Variants in ZSWIM5 observed in about 807,000 individuals in gnomAD.
ZSWIM5 encodes zinc finger SWIM domain-containing protein 5.
In ZSWIM5, 55 loss-of-function variants were observed where a neutral mutation model predicts 119.6. That is an observed-to-expected ratio of 0.46 (90% CI 0.37 to 0.58). ZSWIM5 has a LOEUF of 0.58. Ranked by LOEUF, ZSWIM5 falls within the 20% of genes least tolerant of loss-of-function variation. The pLI is 0.00. For synonymous variants in ZSWIM5, 537 were observed against 606.9 expected (o/e 0.88, Z 1.69); for missense variants, 1,193 against 1,512.8 (o/e 0.79, Z 3.51).
At position 45,166,143 on chromosome 1, in the gene ZSWIM5, G is replaced by A. The variant is rs578170265; in HGVS notation, c.595+39613C>T. On this transcript the variant is annotated intron_variant, in intron 1 of 13. Coordinates refer to ENST00000359600, the MANE Select transcript of ZSWIM5 (RefSeq NM_020883.2). Reference sequence around the variant, plus strand: ...CATGATCAAGTGGGCTTCATCCCTGGGATGCAAAGCTGGTTCAACATATGC... The same window carrying A: ...CATGATCAAGTGGGCTTCATCCCTGAGATGCAAAGCTGGTTCAACATATGC... Among the ~76,000 whole-genome samples the A allele has an allele frequency of 6.6e-5, 10 of 152,178 alleles. No homozygotes were observed. In the East Asian group the frequency reaches 1.5e-3, roughly 23 times the overall value.
At chr1:45,189,099 G>C (rs746047903) in intron 1 of ZSWIM5, among the ~76,000 whole-genome samples, 7 of 152,122 alleles carry the variant, frequency 4.6e-5, no homozygotes, top group Non-Finnish European at 1.0e-4. Context: ...CAGATCACCT[G>C]AGGTCAGGAG....
chr1:45,174,792 C>A (rs1308799184), intron 1 of ZSWIM5, among the ~76,000 whole-genome samples: 1 of 151,896 alleles, frequency 6.6e-6, no homozygotes, highest in African/African-American at 2.4e-5. Context: ...GAAACAATCT[C>A]AAACTTACAG....
In ZSWIM5 at chr1:45,040,506, C is replaced by T. The variant is rs1489240914; in HGVS notation, c.1642G>A (p.Ala548Thr). The T allele has an allele frequency of 1.2e-5, 20 of 1,610,868 alleles. No individual in the cohort carries two copies. The highest frequency in any genetic ancestry group is 1.6e-4 in the Middle Eastern group (1 of 6,076). ...HVPTACARVD[A>T]LRSHGYPKEA... ...TTTGGATAACCATGGGAACGCAGGG[C>T]GTCAACTCGAGCACAGGCTGTAGGC... The change falls in exon 7 of 14, where the codon GCC (alanine) becomes ACC (threonine). Residue 548 changes from alanine (A) to threonine (T), a missense_variant. Physicochemically the swap from Ala to Thr is moderately conservative, Grantham distance 58. Around this residue, in one of 2 missense-constraint regions of ZSWIM5, gnomAD observed 961 missense variants for 1,290.0 expected, o/e 0.74. Coordinates refer to ENST00000359600, the MANE Select transcript of ZSWIM5 (RefSeq NM_020883.2).
At chr1:45,090,045 T>C (rs572058720) in intron 1 of ZSWIM5, among the ~76,000 whole-genome samples, 1 of 152,326 alleles carries the variant, frequency 6.6e-6, no homozygotes, top group South Asian at 2.1e-4. Flanking sequence ...AAGGTACATA[T>C]ATAAGTTTCA....
chr1:45,061,273 T>C (rs1645150374), intron 2 of ZSWIM5, among the ~76,000 whole-genome samples: 1 of 152,164 alleles, frequency 6.6e-6, no homozygotes, highest in African/African-American at 2.4e-5. Context: ...CACTCTCTTA[T>C]AGACAGAGTG....
At chr1:45,082,492 C>T (rs1416456357) in intron 2 of ZSWIM5, among the ~76,000 whole-genome samples, 1 of 152,198 alleles carries the variant, frequency 6.6e-6, no homozygotes, top group Non-Finnish European at 1.5e-5. Flanking sequence ...CATGTTGGAA[C>T]TCAGTTCTAT....
chr1:45,036,144 T>A lies in ZSWIM5; in HGVS notation c.2050A>T (p.Lys684Ter). The A allele has an allele frequency of 6.2e-7, 1 of 1,614,100 alleles. No individual in the cohort carries two copies. The highest frequency in any genetic ancestry group is 8.5e-7 in the Non-Finnish European group (1 of 1,180,006). ...LMPEGLYAQDKVCRNEEQLLS... is the reference protein window; with the variant it reads ...LMPEGLYAQD Reference sequence around the variant, plus strand: ...AGCTGCTCCTCATTACGGCATACCTTGTCCTGTGCGTAGAGGCCTTCAGGC... The same window carrying A: ...AGCTGCTCCTCATTACGGCATACCTAGTCCTGTGCGTAGAGGCCTTCAGGC... Residue 684 changes from lysine to a stop codon, truncating the protein, a stop_gained, in exon 9 of 14, where the codon AAG becomes TAG. Coordinates refer to ENST00000359600, the MANE Select transcript of ZSWIM5 (RefSeq NM_020883.2). LOFTEE classifies it high-confidence loss of function.
intron 1 of ZSWIM5, among the ~76,000 whole-genome samples, chr1:45,146,172 T>C (rs977456771): frequency 2.0e-5 from 3 of 152,096 alleles, no homozygotes; most frequent in Non-Finnish European, 2.9e-5. Context: ...AGTAAAGAGA[T>C]AGGACAATAG....
chr1:45,161,827 T>C (rs974595754), intron 1 of ZSWIM5, among the ~76,000 whole-genome samples: 6 of 152,236 alleles, frequency 3.9e-5, no homozygotes, highest in Admixed American at 1.3e-4. Context: ...TATGGTAATA[T>C]GATTACTAAT....
intron 11 of ZSWIM5, among the ~76,000 whole-genome samples, chr1:45,021,179 GCGCCCGCCACCA>G (rs1644885610): frequency 6.6e-6 from 1 of 152,134 alleles, no homozygotes; most frequent in Non-Finnish European, 1.5e-5. Flanking sequence ...GGGACTACGG[GCGCCCGCCACCA>G]CGCCCGGTTA....
At chr1:45,105,715 C>T (rs866044737) in intron 1 of ZSWIM5, among the ~76,000 whole-genome samples, 7 of 143,034 alleles carry the variant, frequency 4.9e-5, no homozygotes, top group South Asian at 2.3e-4. Flanking sequence ...TGGCTGCCCC[C>T]GTCGGGGAAG....
chr1:45,044,744 A>ATAT lies in ZSWIM5; in HGVS notation c.1433-1350_1433-1349insATA, dbSNP rs1645038767. Among the ~76,000 whole-genome samples, 5 of 6,298 alleles carry ATAT rather than the reference A, an allele frequency of 7.9e-4. 2 individuals are homozygous for ATAT. Among genetic ancestry groups the ATAT allele is most frequent in the African/African-American group, 1.7e-3 (5 of 2,988 alleles). The allele number at this position is 6,298 out of a possible 152,430, so 4.1% of individuals were successfully genotyped here. On this transcript the variant is annotated intron_variant, in intron 5 of 13. Transcript: ENST00000359600. ...GTCTCAAAAAAAAAAAAAAAAAAAA[A>ATAT]AAATATATATATATATATATATATA... is the stretch of plus-strand genomic sequence containing the variant.
rs191899738 is a variant in ZSWIM5 at position 45,132,695 on chromosome 1, G to A, written c.596-44458C>T. ...TGTTACATATGTATACATGTGCCAT[G>A]TTGGTGTGCTGCACCCATTAACTCG... is the stretch of plus-strand genomic sequence containing the variant. On this transcript the variant is annotated intron_variant, in intron 1 of 13. Coordinates refer to ENST00000359600, the MANE Select transcript of ZSWIM5 (RefSeq NM_020883.2). Among the ~76,000 whole-genome samples the A allele has an allele frequency of 7.3e-3, 1,107 of 152,144 alleles. 12 individuals carry two copies. Among genetic ancestry groups the A allele is most frequent in the African/African-American group, 0.026 (1,072 of 41,494 alleles).
rs1645864498 is a variant in ZSWIM5, at chr1:45,161,678, A to G, written c.595+44078T>C. ...TTTCCCTATTGTAGTTATAATTACA[A>G]TAAAGTTGCAAAGGCTAACTACAAC... is the stretch of plus-strand genomic sequence containing the variant. On this transcript the variant is annotated intron_variant, in intron 1 of 13. Transcript: ENST00000359600. Among the ~76,000 whole-genome samples, 2 of 152,212 alleles carry G rather than the reference A, an allele frequency of 1.3e-5. 1 individual carries two copies. Among genetic ancestry groups the G allele is most frequent in the Non-Finnish European group, 2.9e-5 (2 of 68,030 alleles).
At chr1:45,070,527 AT>A in intron 2 of ZSWIM5, 1 of 589,884 alleles carries the variant, frequency 1.7e-6, no homozygotes. Context: ...AATATTCATG[AT>A]TTTTTTCTGT....
intron 11 of ZSWIM5, among the ~76,000 whole-genome samples, chr1:45,031,783 T>A (rs1644954910): frequency 7.1e-6 from 1 of 141,242 alleles, no homozygotes; most frequent in Admixed American, 7.9e-5. Context: ...GAGCTTGCAG[T>A]GAGCGGAGAT....
rs1644869383 is a variant in ZSWIM5, at chr1:45,018,614, C to T, written c.3398G>A (p.Arg1133His). The T allele has an allele frequency of 1.2e-6, 2 of 1,614,162 alleles. No homozygotes were observed. The highest frequency in any genetic ancestry group is 1.7e-6 in the Non-Finnish European group (2 of 1,180,044). Residue 1133 changes from arginine (R) to histidine (H), a missense_variant, in exon 14 of 14, where the codon CGC (arginine) becomes CAC (histidine). Arg to His is a conservative substitution (Grantham distance 29). Transcript: ENST00000359600. The surrounding 1 kb of genome is among the most constrained non-coding windows in gnomAD (Gnocchi z 6.7). ...THSRLTHISP[R>H]HYGEFIEFLS... ...AAACTCAATGAACTCTCCATAGTGGCGAGGGCTGATGTGTGTTAGGCGTGA... is the reference window on the plus strand; with the variant it reads ...AAACTCAATGAACTCTCCATAGTGGTGAGGGCTGATGTGTGTTAGGCGTGA...
chr1:45,119,985 A>G (rs1645581561), intron 1 of ZSWIM5, among the ~76,000 whole-genome samples: 1 of 152,182 alleles, frequency 6.6e-6, no homozygotes, highest in Admixed American at 6.5e-5. Context: ...GCAAAACCCT[A>G]AGTCTAGATG....
chr1:45,050,080 G>T (rs919759565), intron 5 of ZSWIM5, among the ~76,000 whole-genome samples: 1 of 152,160 alleles, frequency 6.6e-6, no homozygotes, highest in African/African-American at 2.4e-5. Context: ...ACTGCCAGGC[G>T]CAGTGGCTCA....
Sources: gnomAD v4.1 joint callset for allele counts (sites outside exome capture counted in the v4.1 genomes callset) on GRCh38, gnomAD v4.1.1 for gene constraint, gnomAD v4.1.1 regional missense constraint, Gnocchi (gnomAD v3.1) non-coding constraint, MANE v1.5 for transcripts, NCBI Gene and HGNC (gene_info 2026-07-23, HGNC 2026-07-21) for gene names.